Variants in ABL2 observed in about 807,000 individuals in gnomAD.
ABL2 encodes ABL proto-oncogene 2, non-receptor tyrosine kinase.
ABL2 carries 49 observed loss-of-function variants against 107.7 expected under a neutral mutation model. That is an observed-to-expected ratio of 0.45 (90% CI 0.36 to 0.58). ABL2 has a LOEUF of 0.58. Among genes scored for constraint, ABL2 ranks in the 20% least tolerant of loss-of-function variants. The probability of loss-of-function intolerance (pLI) is 0.00; values close to 1 mark genes in which losing one functional copy is unlikely to be tolerated. For synonymous variants in ABL2, 549 were observed against 548.6 expected (o/e 1.00, Z -0.01); for missense variants, 1,245 against 1,457.0 (o/e 0.85, Z 2.37).
At chr1:179,180,587 GAAGA>G (rs1441945274) in intron 1 of ABL2, among the ~76,000 whole-genome samples, 3 of 152,282 alleles carry the variant, frequency 2.0e-5, no homozygotes, top group Middle Eastern at 6.8e-3. Flanking sequence ...AAGTAACAGA[GAAGA>G]AAGAGAGTTC....
intron 5 of ABL2, among the ~76,000 whole-genome samples, chr1:179,120,662 G>A (rs1032001702): frequency 6.6e-5 from 10 of 151,958 alleles, no homozygotes; most frequent in South Asian, 4.2e-4. Context: ...CAGGTGATTC[G>A]CCCACCTGAG....
intron 1 of ABL2, among the ~76,000 whole-genome samples, chr1:179,151,685 T>A (rs988351844): frequency 2.7e-4 from 41 of 152,250 alleles, no homozygotes; most frequent in African/African-American, 9.9e-4. Context: ...AACTTTTTTT[T>A]CATAACCATT....
chr1:179,181,204 T>C (rs1016782165), intron 1 of ABL2, among the ~76,000 whole-genome samples: 1 of 152,140 alleles, frequency 6.6e-6, no homozygotes, highest in African/African-American at 2.4e-5. Flanking sequence ...TATATGTGTG[T>C]TTTCAATAAG....
chr1:179,229,564 G>C lies in ABL2; in HGVS notation c.-167C>G. 1 of 622,130 alleles carries C rather than the reference G, an allele frequency of 1.6e-6. No individual in the cohort carries two copies. Among genetic ancestry groups the C allele is most frequent in the Non-Finnish European group, 2.5e-6 (1 of 397,502 alleles). 38.5% of individuals were successfully genotyped at this position (622,130 alleles called of 1,614,324 possible). On this transcript the variant is annotated 5_prime_UTR_variant, in exon 1 of 12. Coordinates refer to ENST00000502732, the MANE Select transcript of ABL2 (RefSeq NM_007314.4). ...CGCACCCGGCCTCCTCACGGCAGCC[G>C]CCGCGCTGCCTCCAGGCGACTCACA... is the stretch of plus-strand genomic sequence containing the variant.
chr1:179,189,770 C>T (rs1456391039), intron 1 of ABL2, among the ~76,000 whole-genome samples: 1 of 152,062 alleles, frequency 6.6e-6, no homozygotes, highest in Non-Finnish European at 1.5e-5. Flanking sequence ...CAATTTAACT[C>T]ACTTCTATCT....
At chr1:179,158,154 G>A (rs1658822455) in intron 1 of ABL2, among the ~76,000 whole-genome samples, 1 of 152,126 alleles carries the variant, frequency 6.6e-6, no homozygotes, top group African/African-American at 2.4e-5. Flanking sequence ...GTGAGGACTA[G>A]GATTGGGGAC....
At chr1:179,170,028 A>AAACAAC (rs911589489) in intron 1 of ABL2, among the ~76,000 whole-genome samples, 1 of 152,168 alleles carries the variant, frequency 6.6e-6, no homozygotes. Flanking sequence ...CTGTCTCAAA[A>AAACAAC]AACAACAACA....
rs755110907 is a variant in ABL2 at position 179,110,374 on chromosome 1, T to C, written c.1733A>G (p.Lys578Arg). Reference sequence around the variant, plus strand: ...CACCTGTTTCTTCAGTGTCCGAGTCTTGGAAGGAAGTATAGGTAGCCGGGG... The same window carrying C: ...CACCTGTTTCTTCAGTGTCCGAGTCCTGGAAGGAAGTATAGGTAGCCGGGG... ...YLPRLPILPS[K>R]TRTLKKQVEN... Residue 578 changes from lysine (K) to arginine (R), a missense_variant, in exon 11 of 12, where the codon AAG (lysine) becomes AGG (arginine). Coordinates refer to ENST00000502732, the MANE Select transcript of ABL2 (RefSeq NM_007314.4). 2 of 1,614,152 alleles carry C rather than the reference T, an allele frequency of 1.2e-6. No individual in the cohort carries two copies. The highest frequency in any genetic ancestry group is 2.2e-5 in the South Asian group (2 of 91,076).
At chr1:179,229,173 A>AACCCC in intron 1 of ABL2, 68 bp downstream of exon 1, 1 of 223,208 alleles carries the variant, frequency 4.5e-6, no homozygotes, top group Admixed American at 1.4e-4. Flanking sequence ...CCCGTCCGCC[A>AACCCC]CCCACCCCGC....
intron 1 of ABL2, among the ~76,000 whole-genome samples, chr1:179,180,565 T>A (rs1660318355): frequency 6.6e-6 from 1 of 152,038 alleles, no homozygotes; most frequent in African/African-American, 2.4e-5. Context: ...CAGTAGCAGG[T>A]AGGAAACAGA....
chr1:179,148,096 T>C (rs1440007660), intron 1 of ABL2, among the ~76,000 whole-genome samples: 1 of 149,594 alleles, frequency 6.7e-6, no homozygotes, highest in African/African-American at 2.5e-5. Flanking sequence ...TGGAGTGCAG[T>C]GGCATGATCT....
In ABL2 at chr1:179,107,615, C is replaced by G; in HGVS notation, c.*103G>C. 2.6e-6 allele frequency: 4 copies of G among 1,510,024 alleles called. No homozygotes were observed. The South Asian group carries it at 5.4e-5, about 21-fold the overall frequency. The allele number at this position is 1,510,024 out of a possible 1,614,324, so 93.5% of individuals were successfully genotyped here. A position where few individuals can be genotyped will look rare whatever the true frequency, so the allele number is the denominator to read the frequency against. ...CTGAGGTACTTCACATAAACACACTCAAGTATGAGTCTTTCATTTTCTGAA... is the reference window on the plus strand; with the variant it reads ...CTGAGGTACTTCACATAAACACACTGAAGTATGAGTCTTTCATTTTCTGAA... On this transcript the variant is annotated 3_prime_UTR_variant, in exon 12 of 12. Coordinates refer to ENST00000502732, the MANE Select transcript of ABL2 (RefSeq NM_007314.4).
At position 179,101,377 on chromosome 1, in the gene ABL2, C is replaced by CA. The variant is rs1553211581; in HGVS notation, c.*6340_*6341insT. On this transcript the variant is annotated 3_prime_UTR_variant, in exon 12 of 12. Coordinates refer to ENST00000502732, the MANE Select transcript of ABL2 (RefSeq NM_007314.4). ...ATATTGAGTCAGAAATGAAGGTATC[C>CA]TTTTTTTTTTTTTTCTTCTTAACGT... 1.0e-4 allele frequency: 17 copies of CA among 168,640 alleles called. No homozygotes were observed. Among genetic ancestry groups the CA allele is most frequent in the Non-Finnish European group, 1.5e-4 (12 of 80,726 alleles). The allele number at this position is 168,640 out of a possible 1,614,324, so 10.4% of individuals were successfully genotyped here.
intron 4 of ABL2, among the ~76,000 whole-genome samples, chr1:179,123,934 T>C (rs894356603): frequency 5.9e-5 from 9 of 152,054 alleles, no homozygotes; most frequent in African/African-American, 2.2e-4. Context: ...CCTAGCCTGT[T>C]ATTTATTTTT....
intron 1 of ABL2, among the ~76,000 whole-genome samples, chr1:179,134,719 TCTC>T (rs1185122836): frequency 6.6e-6 from 1 of 151,790 alleles, no homozygotes; most frequent in Non-Finnish European, 1.5e-5. Flanking sequence ...AGCCTCTCCC[TCTC>T]CCTCTCCCTC....
chr1:179,173,870 T>C (rs1252873184), intron 1 of ABL2, among the ~76,000 whole-genome samples: 4 of 152,082 alleles, frequency 2.6e-5, no homozygotes, highest in Admixed American at 2.0e-4. Flanking sequence ...AAGAATGAGA[T>C]TTGAACACTG....
chr1:179,195,091 C>T (rs1454650244), intron 1 of ABL2, among the ~76,000 whole-genome samples: 1 of 152,042 alleles, frequency 6.6e-6, no homozygotes, highest in Non-Finnish European at 1.5e-5. Flanking sequence ...AGTTCCAGAC[C>T]AGCCTGGCCA....
intron 4 of ABL2, among the ~76,000 whole-genome samples, chr1:179,124,505 G>T (rs538783265): frequency 3.3e-5 from 4 of 121,322 alleles, no homozygotes; most frequent in African/African-American, 1.3e-4. Context: ...GTCTCGCTCT[G>T]TTGCCCAGGC....
chr1:179,156,882 A>AAAAT (rs143172971), intron 1 of ABL2, among the ~76,000 whole-genome samples: 392 of 142,196 alleles, frequency 2.8e-3, no homozygotes, highest in East Asian at 8.6e-3. Flanking sequence ...AGTCTGTCTC[A>AAAAT]AAATAAATAA....
Sources: gnomAD v4.1 joint callset for allele counts (sites outside exome capture counted in the v4.1 genomes callset) on GRCh38, gnomAD v4.1.1 for gene constraint, MANE v1.5 for transcripts, NCBI Gene and HGNC (gene_info 2026-07-23, HGNC 2026-07-21) for gene names.